The following HUS1 variants were observed in gnomAD, a reference collection of about 807,000 sequenced individuals.
HUS1 encodes HUS1 checkpoint clamp component.
A neutral mutation model predicts 32.6 loss-of-function variants in HUS1; 31 were observed. That is an observed-to-expected ratio of 0.95 (90% CI 0.72 to 1.28). The LOEUF is 1.28. HUS1 is among the 50% of genes most tolerant of loss of function. The pLI is 0.00. For missense variants in HUS1, 340 were observed against 337.7 expected, an observed-to-expected ratio of 1.01 and a Z score of -0.05; for synonymous variants, 123 against 116.6, an observed-to-expected ratio of 1.06 and a Z score of -0.36.
Position 47,978,812 on chromosome 7 carries a change from G to A in HUS1, c.57C>T (p.Ile19=). ...DGACLNHFTR[I]SNMIAKLAKT... ...TGGCAAGCTTGGCTATCATGTTACT[G>A]ATTCCTAAAGCAGGGGTTAAAATAA... Residue 19 remains isoleucine, a synonymous_variant, in exon 2 of 8, where the codon ATC becomes ATT. Coordinates refer to ENST00000258774, the MANE Select transcript of HUS1 (RefSeq NM_004507.4). 1 of 1,613,842 alleles carries A rather than the reference G, an allele frequency of 6.2e-7. No homozygotes were observed. Among genetic ancestry groups the A allele is most frequent in the African/African-American group, 1.3e-5 (1 of 74,996 alleles).
At chr7:47,969,552 G>A (rs571930826) in intron 5 of HUS1, among the ~76,000 whole-genome samples, 3 of 152,270 alleles carry the variant, frequency 2.0e-5, no homozygotes, top group Non-Finnish European at 2.9e-5. Flanking sequence ...CCTGCCTCCC[G>A]GAATGAAGAA....
At position 47,965,321 on chromosome 7, in the gene HUS1, CAA is replaced by C; in HGVS notation, c.*33_*34del. On this transcript the variant is annotated 3_prime_UTR_variant, in exon 8 of 8. Transcript: ENST00000258774. ...ACACCTGCGGCCTCTCCCATCCTGA[CAA>C]AGTCTCTGCATGCCAACTCCAGCGA... The C allele has an allele frequency of 6.8e-7, 1 of 1,481,212 alleles. No individual in the cohort carries two copies. The highest frequency in any genetic ancestry group is 9.4e-7 in the Non-Finnish European group (1 of 1,058,438). The allele number at this position is 1,481,212 out of a possible 1,614,324, so 91.8% of individuals were successfully genotyped here. A position where few individuals can be genotyped will look rare whatever the true frequency, so the allele number is the denominator to read the frequency against.
intron 5 of HUS1, among the ~76,000 whole-genome samples, chr7:47,971,025 A>G (rs949041056): frequency 2.6e-5 from 4 of 152,240 alleles, no homozygotes; most frequent in Admixed American, 6.5e-5. Flanking sequence ...AAAACTAAAC[A>G]ACAGGAATGA....
In HUS1 at chr7:47,979,500, A is replaced by G; in HGVS notation, c.20T>C (p.Ile7Thr). Residue 7 changes from isoleucine (I) to threonine (T), a missense_variant, in exon 1 of 8, where the codon ATC becomes ACC. Transcript: ENST00000258774. ...GTGGTTCAGACAGGCCCCGTCCACG[A>G]TCTTGGCCCGAAACTTCATGGCCGC... is the stretch of plus-strand genomic sequence containing the variant. MKFRAK[I>T]VDGACLNHFT... 1 of 1,612,740 alleles carries G rather than the reference A, an allele frequency of 6.2e-7. No homozygotes were observed. The highest frequency in any genetic ancestry group is 8.5e-7 in the Non-Finnish European group (1 of 1,179,910).
intron 3 of HUS1, among the ~76,000 whole-genome samples, chr7:47,977,956 G>A (rs776008071): frequency 2.2e-4 from 33 of 152,294 alleles, no homozygotes; most frequent in Non-Finnish European, 4.4e-4. Context: ...GTATGTATGC[G>A]CATGAGTTTG....
intron 3 of HUS1, among the ~76,000 whole-genome samples, chr7:47,977,368 A>G (rs1405141788): frequency 6.6e-6 from 1 of 151,210 alleles, no homozygotes; most frequent in Non-Finnish European, 1.5e-5. Context: ...TGGGCATAGG[A>G]CACTCAGAGT....
chr7:47,965,231 G>C lies in HUS1; in HGVS notation c.*125C>G. On this transcript the variant is annotated 3_prime_UTR_variant, in exon 8 of 8. Coordinates refer to ENST00000258774, the MANE Select transcript of HUS1 (RefSeq NM_004507.4). Reference sequence around the variant, plus strand: ...AACTTTTAGTTAAAATGTTAGAGAGGGACAAATAAGTACAGTGTGTCGATG... The same window carrying C: ...AACTTTTAGTTAAAATGTTAGAGAGCGACAAATAAGTACAGTGTGTCGATG... 1.6e-6 allele frequency: 1 copy of C among 632,032 alleles called. No homozygotes were observed. Among genetic ancestry groups the C allele is most frequent in the South Asian group, 2.0e-5 (1 of 50,394 alleles). 39.2% of individuals were successfully genotyped at this position (632,032 alleles called of 1,614,324 possible). A position where few individuals can be genotyped will look rare whatever the true frequency, so the allele number is the denominator to read the frequency against.
chr7:47,970,232 C>CAAAAAAAAAAAAAAAAAAAAAAAAAA (rs777331089), intron 5 of HUS1, among the ~76,000 whole-genome samples: 1 of 47,836 alleles, frequency 2.1e-5, no homozygotes, highest in African/African-American at 7.3e-5. Flanking sequence ...GACTCTGTCT[C>CAAAAAAAAAAAAAAAAAAAAAAAAAA]AAAAAAAAAA....
At chr7:47,973,953 A>C (rs1353818278) in intron 5 of HUS1, among the ~76,000 whole-genome samples, 1 of 152,168 alleles carries the variant, frequency 6.6e-6, no homozygotes, top group Non-Finnish European at 1.5e-5. Flanking sequence ...CAGCCTGACA[A>C]CTGGATCAGC....
In HUS1 at chr7:47,978,346, G is replaced by A; in HGVS notation, c.357+71C>T. ...TTTCAACAGTATTTATTGTTAAAAA[G>A]GCTAGGCTAACTATGTCTATTCCTT... On this transcript the variant is annotated intron_variant, in intron 3 of 7. Coordinates refer to ENST00000258774, the MANE Select transcript of HUS1 (RefSeq NM_004507.4). 3.0e-6 allele frequency: 4 copies of A among 1,323,462 alleles called. No individual in the cohort carries two copies. In the South Asian group the frequency reaches 5.2e-5, roughly 17 times the overall value. 82.0% of individuals were successfully genotyped at this position (1,323,462 alleles called of 1,614,324 possible).
rs1192007964 is a variant in HUS1 at position 47,964,192 on chromosome 7, AACAC to A, written c.*1160_*1163del. On this transcript the variant is annotated 3_prime_UTR_variant, in exon 8 of 8. Coordinates refer to ENST00000258774, the MANE Select transcript of HUS1 (RefSeq NM_004507.4). ...CCAGGAGTTCAAGACCAGCCTGGAC[AACAC>A]AGTGAGACCCTGTCTCTATGAAAAA... 2 of 152,238 alleles carry A rather than the reference AACAC, an allele frequency of 1.3e-5. No individual in the cohort carries two copies. The highest frequency in any genetic ancestry group is 4.8e-5 in the African/African-American group (2 of 41,428). 9.4% of individuals were successfully genotyped at this position (152,238 alleles called of 1,614,324 possible). A position where few individuals can be genotyped will look rare whatever the true frequency, so the allele number is the denominator to read the frequency against.
At chr7:47,974,618 G>T (rs1788661308) in intron 5 of HUS1, among the ~76,000 whole-genome samples, 1 of 152,114 alleles carries the variant, frequency 6.6e-6, no homozygotes, top group African/African-American at 2.4e-5. Context: ...CAGGTGGACA[G>T]TGGTTTTTAG....
intron 5 of HUS1, among the ~76,000 whole-genome samples, chr7:47,969,988 C>T (rs1788561255): frequency 6.6e-6 from 1 of 151,914 alleles, no homozygotes; most frequent in Non-Finnish European, 1.5e-5. Flanking sequence ...AATCCCAGCA[C>T]TTTGGGAGGC....
chr7:47,975,904 T>C (rs1410405581), intron 4 of HUS1, among the ~76,000 whole-genome samples: 1 of 152,252 alleles, frequency 6.6e-6, no homozygotes, highest in Non-Finnish European at 1.5e-5. Context: ...AAGAATGGAA[T>C]GCCTGCCTCT....
At chr7:47,972,513 T>C (rs1191186108) in intron 5 of HUS1, among the ~76,000 whole-genome samples, 1 of 152,296 alleles carries the variant, frequency 6.6e-6, no homozygotes, top group East Asian at 1.9e-4. Flanking sequence ...TAAGATTCAG[T>C]TATTTGGGAT....
chr7:47,964,990 G>GATA lies in HUS1; in HGVS notation c.*365_*366insTAT, dbSNP rs1788448411. Reference sequence around the variant, plus strand: ...CGTGCTGAGCTAGAGCCTCTGCCTGGAGGGAAAGTACCAAGCTCCCAGGCA... The same window carrying GATA: ...CGTGCTGAGCTAGAGCCTCTGCCTGGATAAGGGAAAGTACCAAGCTCCCAGGCA... On this transcript the variant is annotated 3_prime_UTR_variant, in exon 8 of 8. Transcript: ENST00000258774. The GATA allele has an allele frequency of 4.8e-6, 1 of 208,172 alleles. No homozygotes were observed. Among genetic ancestry groups the GATA allele is most frequent in the Admixed American group, 5.2e-5 (1 of 19,332 alleles). The allele number at this position is 208,172 out of a possible 1,614,324, so 12.9% of individuals were successfully genotyped here.
chr7:47,965,242 T>C lies in HUS1; in HGVS notation c.*114A>G, dbSNP rs1253924429. On this transcript the variant is annotated 3_prime_UTR_variant, in exon 8 of 8. Transcript: ENST00000258774. Reference sequence around the variant, plus strand: ...AAAATGTTAGAGAGGGACAAATAAGTACAGTGTGTCGATGTGCGGTGCTGT... The same window carrying C: ...AAAATGTTAGAGAGGGACAAATAAGCACAGTGTGTCGATGTGCGGTGCTGT... The C allele has an allele frequency of 6.7e-5, 47 of 696,630 alleles. No individual in the cohort carries two copies. The highest frequency in any genetic ancestry group is 5.0e-5 in the Non-Finnish European group (19 of 383,254). 43.2% of individuals were successfully genotyped at this position (696,630 alleles called of 1,614,324 possible). A position where few individuals can be genotyped will look rare whatever the true frequency, so the allele number is the denominator to read the frequency against.
chr7:47,973,112 T>C (rs1788631793), intron 5 of HUS1, among the ~76,000 whole-genome samples: 1 of 152,226 alleles, frequency 6.6e-6, no homozygotes. Context: ...AGACGTGCCT[T>C]GCTTCCCCTT....
At position 47,978,711 on chromosome 7, in the gene HUS1, C is replaced by A; in HGVS notation, c.158G>T (p.Ser53Ile). Residue 53 changes from serine to isoleucine, a missense_variant, in exon 2 of 8, where the codon AGC becomes ATC. Physicochemically the swap from Ser to Ile is moderately radical, Grantham distance 142. Coordinates refer to ENST00000258774, the MANE Select transcript of HUS1 (RefSeq NM_004507.4). The part of the protein sequence containing the change: ...LCDKLANGGV[S>I]MWCELEQENF... ...CACCTGTTCCAGCTCACACCACATG[C>A]TCACTCCTCCATTAGCCAGCTTGTC... The A allele has an allele frequency of 6.2e-7, 1 of 1,614,172 alleles. No individual in the cohort carries two copies. Among genetic ancestry groups the A allele is most frequent in the East Asian group, 2.2e-5 (1 of 44,886 alleles).
Sources: gnomAD v4.1 joint callset for allele counts (sites outside exome capture counted in the v4.1 genomes callset) on GRCh38, gnomAD v4.1.1 for gene constraint, MANE v1.5 for transcripts, NCBI Gene and HGNC (gene_info 2026-07-23, HGNC 2026-07-21) for gene names.